UBFD1: variants seen among roughly 807,000 people sequenced by gnomAD.
The protein encoded by UBFD1 is ubiquitin family domain containing 1.
UBFD1 carries 12 observed loss-of-function variants against 35.1 expected under a neutral mutation model. The observed-to-expected ratio is 0.34, with a 90% confidence interval of 0.22 to 0.55. The LOEUF (loss-of-function observed/expected upper bound fraction) is 0.55. UBFD1 is among the 20% of genes least tolerant of loss of function. UBFD1 has a pLI of 0.89. For missense variants in UBFD1, 337 were observed against 410.8 expected, an observed-to-expected ratio of 0.82 and a Z score of 1.55; for synonymous variants, 178 against 167.6, an observed-to-expected ratio of 1.06 and a Z score of -0.48.
Position 23,571,599 on chromosome 16 carries a change from G to C in UBFD1, c.*1009G>C, listed in dbSNP as rs1230647009. ...TCCAGATAACCTTCTTTCTTTGGAA[G>C]TTTTCAAGAAATTCTTAAGCAGTCC... On this transcript the variant is annotated 3_prime_UTR_variant, in exon 7 of 7. Coordinates refer to ENST00000395878, the MANE Select transcript of UBFD1 (RefSeq NM_019116.3). The C allele has an allele frequency of 1.3e-5, 2 of 152,678 alleles. No individual in the cohort carries two copies. The highest frequency in any genetic ancestry group is 2.9e-5 in the Non-Finnish European group (2 of 68,046). 9.5% of individuals were successfully genotyped at this position (152,678 alleles called of 1,614,324 possible).
At position 23,558,003 on chromosome 16, in the gene UBFD1, C is replaced by A; in HGVS notation, c.79C>A (p.Pro27Thr). The A allele has an allele frequency of 7.3e-7, 1 of 1,362,816 alleles. No homozygotes were observed. Among genetic ancestry groups the A allele is most frequent in the African/African-American group, 1.5e-5 (1 of 66,096 alleles). 84.4% of individuals were successfully genotyped at this position (1,362,816 alleles called of 1,614,324 possible). ...TEAETVATEA[P>T]ARPVNCLEAE... ...GGCCGAGACTGTGGCTACTGAGGCT[C>A]CCGCGCGGCCCGTCAACTGCCTGGA... Residue 27 changes from proline to threonine, a missense_variant, in exon 2 of 7, where the codon CCC (proline) becomes ACC (threonine). Coordinates refer to ENST00000395878, the MANE Select transcript of UBFD1 (RefSeq NM_019116.3).
At chr16:23,566,851 C>T (rs1567401346) in intron 5 of UBFD1, 136 bp from the exon 6 acceptor site, 2 of 775,000 alleles carry the variant, frequency 2.6e-6, no homozygotes, top group East Asian at 2.5e-5. Flanking sequence ...GTCGTGTTGT[C>T]CCCAGAGGGC....
Position 23,557,773 on chromosome 16 carries a change from T to G in UBFD1, c.25+6T>G, listed in dbSNP as rs1359206028. 4 of 1,285,404 alleles carry G rather than the reference T, an allele frequency of 3.1e-6. No individual in the cohort carries two copies. Among genetic ancestry groups the G allele is most frequent in the African/African-American group, 1.6e-5 (1 of 64,204 alleles). The allele number at this position is 1,285,404 out of a possible 1,614,324, so 79.6% of individuals were successfully genotyped here. The stretch of plus-strand genomic sequence containing the variant: ...GGCGGCCGGGGCCCCGGATGGTGAG[T>G]GCGGCGGGGGTGGCGGGCGCCGGGC... On this transcript the variant is annotated splice_donor_region_variant and intron_variant, in intron 1 of 6. Coordinates refer to ENST00000395878, the MANE Select transcript of UBFD1 (RefSeq NM_019116.3).
At chr16:23,562,178 T>G (rs1455858961) in intron 3 of UBFD1, 28 bp from the exon 4 acceptor site, 2 of 1,592,416 alleles carry the variant, frequency 1.3e-6, no homozygotes, top group Non-Finnish European at 1.7e-6. Context: ...GTCAGCTGTT[T>G]CATTTCATTC....
Position 23,562,261 on chromosome 16 carries a change from A to C in UBFD1, c.620A>C (p.Lys207Thr). ...CCTGAAGATGTGATGCCATCTGTTAAGGGGGCCCAGGTAAGGCGGATTTCT... is the reference window on the plus strand; with the variant it reads ...CCTGAAGATGTGATGCCATCTGTTACGGGGGCCCAGGTAAGGCGGATTTCT... Reference protein sequence around the residue: ...GKPEDVMPSVKGAQERLPTVP... With the variant: ...GKPEDVMPSVTGAQERLPTVP... The change falls in exon 4 of 7, where the codon AAG (lysine) becomes ACG (threonine). Residue 207 changes from lysine (K) to threonine (T), a missense_variant. Coordinates refer to ENST00000395878, the MANE Select transcript of UBFD1 (RefSeq NM_019116.3). 1.2e-6 allele frequency: 2 copies of C among 1,614,022 alleles called. No homozygotes were observed. Among genetic ancestry groups the C allele is most frequent in the Non-Finnish European group, 1.7e-6 (2 of 1,179,958 alleles).
intron 2 of UBFD1, 114 bp from the exon 3 acceptor site, chr16:23,559,354 A>G (rs1410402009): frequency 7.0e-6 from 6 of 852,288 alleles, no homozygotes; most frequent in Non-Finnish European, 1.1e-5. Context: ...CACAAAGCTA[A>G]TAGGTGGTGG....
Position 23,557,755 on chromosome 16 carries a change from G to A in UBFD1, c.13G>A (p.Gly5Arg). Residue 5 changes from glycine to arginine, a missense_variant, in exon 1 of 7, where the codon GGG (glycine) becomes AGG (arginine). Gly to Arg is a moderately radical substitution (Grantham distance 125, BLOSUM62 -2). This residue lies in a region of UBFD1 where 198 missense variants were observed against 168.4 expected (regional missense o/e 1.18). Transcript: ENST00000395878. ...GTACACAATCATCATGGCGGCGGCCGGGGCCCCGGATGGTGAGTGCGGCGG... is the reference window on the plus strand; with the variant it reads ...GTACACAATCATCATGGCGGCGGCCAGGGCCCCGGATGGTGAGTGCGGCGG... MAAAGAPDGMEEPGM... is the reference protein window; with the variant it reads MAAARAPDGMEEPGM... 1.5e-6 allele frequency: 2 copies of A among 1,302,902 alleles called. No homozygotes were observed. Among genetic ancestry groups the A allele is most frequent in the Middle Eastern group, 2.9e-4 (1 of 3,496 alleles). The allele number at this position is 1,302,902 out of a possible 1,614,324, so 80.7% of individuals were successfully genotyped here. A position where few individuals can be genotyped will look rare whatever the true frequency, so the allele number is the denominator to read the frequency against.
In UBFD1 at chr16:23,572,737, C is replaced by T. The variant is rs1348743754; in HGVS notation, c.*2147C>T. 6.5e-6 allele frequency: 1 copy of T among 153,536 alleles called. No individual in the cohort carries two copies. Among genetic ancestry groups the T allele is most frequent in the African/African-American group, 2.4e-5 (1 of 41,440 alleles). The allele number at this position is 153,536 out of a possible 1,614,324, so 9.5% of individuals were successfully genotyped here. A position where few individuals can be genotyped will look rare whatever the true frequency, so the allele number is the denominator to read the frequency against. On this transcript the variant is annotated 3_prime_UTR_variant, in exon 7 of 7. Transcript: ENST00000395878. Reference sequence around the variant, plus strand: ...TCAGGAGGACCAAAGCCTGCGTGAGCCTTTTTATTTTCAGTAAAATGGTGC... The same window carrying T: ...TCAGGAGGACCAAAGCCTGCGTGAGTCTTTTTATTTTCAGTAAAATGGTGC...
intron 3 of UBFD1, 81 bp from the exon 4 acceptor site, chr16:23,562,125 C>T (rs1965944317): frequency 3.7e-6 from 5 of 1,340,248 alleles, no homozygotes. Flanking sequence ...CTAAGGCTTT[C>T]TTCATCCTCT....
rs758323175 is a variant in UBFD1, at chr16:23,570,951, A to ATTTT, written c.*361_*362insTTTT. The ATTTT allele has an allele frequency of 0.021, 3,239 of 153,328 alleles. 81 individuals are homozygous for ATTTT. Among genetic ancestry groups the ATTTT allele is most frequent in the Admixed American group, 0.066 (1,004 of 15,196 alleles). The allele number at this position is 153,328 out of a possible 1,614,324, so 9.5% of individuals were successfully genotyped here. A position where few individuals can be genotyped will look rare whatever the true frequency, so the allele number is the denominator to read the frequency against. On this transcript the variant is annotated 3_prime_UTR_variant, in exon 7 of 7. Transcript: ENST00000395878. ...TGATCAAAAGCTTTGTTTTTTTTAA[A>ATTTT]AAAAAAAAAAGCAGTTTCAATTGAA...
intron 3 of UBFD1, among the ~76,000 whole-genome samples, chr16:23,560,903 C>A (rs1289148392): frequency 6.6e-6 from 1 of 152,164 alleles, no homozygotes; most frequent in Non-Finnish European, 1.5e-5. Context: ...TTTTTCTTTG[C>A]CACATGTATG....
chr16:23,565,186 G>C (rs1323323170), intron 5 of UBFD1: 1 of 152,252 alleles, frequency 6.6e-6, no homozygotes, highest in East Asian at 1.9e-4. Flanking sequence ...GCAAGAAGAA[G>C]CGGCTATGGA....
At chr16:23,570,279 C>T (rs922671032) in intron 6 of UBFD1, among the ~76,000 whole-genome samples, 2 of 152,192 alleles carry the variant, frequency 1.3e-5, no homozygotes, top group Non-Finnish European at 2.9e-5. Flanking sequence ...TTGAGAACTG[C>T]TGCTTTAGGG....
chr16:23,565,655 A>G (rs1254629687), intron 5 of UBFD1: 1 of 151,962 alleles, frequency 6.6e-6, no homozygotes. Flanking sequence ...CCCAGCCCCC[A>G]TTTTTCAGAT....
intron 6 of UBFD1, among the ~76,000 whole-genome samples, chr16:23,568,361 T>C (rs1318215551): frequency 1.3e-5 from 2 of 151,236 alleles, no homozygotes; most frequent in African/African-American, 4.8e-5. Context: ...GGTTTCACCA[T>C]GTTGGCCAAG....
rs900725517 is a variant in UBFD1 at position 23,570,506 on chromosome 16, C to T, written c.846C>T (p.Ala282=). The T allele has an allele frequency of 3.7e-6, 6 of 1,613,952 alleles. No homozygotes were observed. The highest frequency in any genetic ancestry group is 2.7e-5 in the African/African-American group (2 of 74,922). Reference sequence around the variant, plus strand: ...CGTTTCAGTTGGGCCCCACGGAAGCCTCTTACTACTGGGTGTACTGGGTTC... The same window carrying T: ...CGTTTCAGTTGGGCCCCACGGAAGCTTCTTACTACTGGGTGTACTGGGTTC... ...MMAFQLGPTE[A]SYYWVYWVPT... Residue 282 remains alanine, a synonymous_variant, in exon 7 of 7, where the codon GCC becomes GCT. Transcript: ENST00000395878.
chr16:23,559,682 T>TC lies in UBFD1; in HGVS notation c.564+8dup, dbSNP rs1396171942. On this transcript the variant is annotated splice_region_variant and intron_variant, in intron 3 of 6. Coordinates refer to ENST00000395878, the MANE Select transcript of UBFD1 (RefSeq NM_019116.3). ...AGCCTCTCTGCAGGCAGAAAGTGAGTCCATCTTGTGCTTCTTGGTCTTGAG... is the reference window on the plus strand; with the variant it reads ...AGCCTCTCTGCAGGCAGAAAGTGAGTCCCATCTTGTGCTTCTTGGTCTTGAG... 2 of 1,613,858 alleles carry TC rather than the reference T, an allele frequency of 1.2e-6. No individual in the cohort carries two copies. Among genetic ancestry groups the TC allele is most frequent in the African/African-American group, 2.7e-5 (2 of 74,874 alleles).
In UBFD1 at chr16:23,572,223, T is replaced by A. The variant is rs181397413; in HGVS notation, c.*1633T>A. ...TGCATCTAGGCAGGAAAATCTACTCTTTGCTTTTTTGGGGGCAATTAGTAC... is the reference window on the plus strand; with the variant it reads ...TGCATCTAGGCAGGAAAATCTACTCATTGCTTTTTTGGGGGCAATTAGTAC... On this transcript the variant is annotated 3_prime_UTR_variant, in exon 7 of 7. Transcript: ENST00000395878. The A allele has an allele frequency of 6.5e-6, 1 of 152,766 alleles. No individual in the cohort carries two copies. The highest frequency in any genetic ancestry group is 2.4e-5 in the African/African-American group (1 of 41,574). The allele number at this position is 152,766 out of a possible 1,614,324, so 9.5% of individuals were successfully genotyped here.
At chr16:23,565,666 A>C (rs1230875969) in intron 5 of UBFD1, 1 of 152,112 alleles carries the variant, frequency 6.6e-6, no homozygotes, top group Admixed American at 6.6e-5. Context: ...TTTTTCAGAT[A>C]CTGAGGCCCA....
Sources: gnomAD v4.1 joint callset for allele counts (sites outside exome capture counted in the v4.1 genomes callset) on GRCh38, gnomAD v4.1.1 for gene constraint, gnomAD v4.1.1 regional missense constraint, MANE v1.5 for transcripts, NCBI Gene and HGNC (gene_info 2026-07-23, HGNC 2026-07-21) for gene names.